The following ZC3H12B variants were observed in gnomAD, a reference collection of about 807,000 sequenced individuals.
The protein encoded by ZC3H12B is zinc finger CCCH-type containing 12B, also known as probable ribonuclease ZC3H12B.
A neutral mutation model predicts 43.9 loss-of-function variants in ZC3H12B; 7 were observed. That is an observed-to-expected ratio of 0.16 (90% confidence interval 0.09 to 0.30). The LOEUF (loss-of-function observed/expected upper bound fraction) is 0.30. Ranked by LOEUF, ZC3H12B falls within the 10% of genes least tolerant of loss-of-function variation. The probability of loss-of-function intolerance (pLI) is 1.00; values close to 1 mark genes in which losing one functional copy is unlikely to be tolerated. For missense variants in ZC3H12B, 475 were observed against 670.2 expected (o/e 0.71, Z 3.22); for synonymous variants, 222 against 241.7 (o/e 0.92, Z 0.76).
At chrX:65,040,498 GAGTCTT>G in the ZC3H12B span, among the ~76,000 whole-genome samples, 1 of 109,998 alleles carries the variant, frequency 9.1e-6, no homozygotes, top group African/African-American at 3.3e-5. Flanking sequence ...TGAGAAAAAT[GAGTCTT>G]AGATTTTATA....
chrX:65,046,664 A>G, the ZC3H12B span, among the ~76,000 whole-genome samples: 1 of 111,848 alleles, frequency 8.9e-6, no homozygotes, highest in East Asian at 2.8e-4. Flanking sequence ...AATTTCCTTT[A>G]AGAACTTTTC....
chrX:65,402,566 G>A (rs746753449), intron 3 of ZC3H12B, among the ~76,000 whole-genome samples: 202 of 112,132 alleles, frequency 1.8e-3, no homozygotes, highest in African/African-American at 6.2e-3. Context: ...AGTCCTAGTG[G>A]TGATGGCCAC....
the ZC3H12B span, among the ~76,000 whole-genome samples, chrX:65,319,280 AG>A: frequency 8.9e-6 from 1 of 112,008 alleles, no homozygotes; most frequent in Admixed American, 9.5e-5. Context: ...AAAAATTATC[AG>A]ATACTACTAT....
chrX:65,331,781 G>A, the ZC3H12B span, among the ~76,000 whole-genome samples: 1 of 110,752 alleles, frequency 9.0e-6, no homozygotes, highest in African/African-American at 3.3e-5. Context: ...AAAACTGAGT[G>A]TTTCTTCCAT....
At chrX:65,366,016 A>G (rs944410354), upstream of ZC3H12B, among the ~76,000 whole-genome samples, 1 of 111,036 alleles carries the variant, frequency 9.0e-6, no homozygotes, top group African/African-American at 3.3e-5. Context: ...CAAAGAATAT[A>G]TATATTTAAG....
chrX:65,222,650 T>TAATAAA, the ZC3H12B span, among the ~76,000 whole-genome samples: 206 of 93,914 alleles, frequency 2.2e-3, 4 homozygotes, highest in East Asian at 9.2e-3. Flanking sequence ...ATAATAATAA[T>TAATAAA]AAAACACTTA....
At chrX:65,077,525 T>A in the ZC3H12B span, among the ~76,000 whole-genome samples, 11 of 111,880 alleles carry the variant, frequency 9.8e-5, no homozygotes, top group East Asian at 3.1e-3. Flanking sequence ...TGAAGCTACT[T>A]ATGTGGGCAG....
At chrX:65,488,118 G>A (rs1021686229), upstream of ZC3H12B, among the ~76,000 whole-genome samples, 10 of 110,675 alleles carry the variant, frequency 9.0e-5, no homozygotes, top group Admixed American at 4.8e-4. Flanking sequence ...TGATCCGCCC[G>A]CCTCGGCCTC....
At chrX:65,377,027 G>A (rs2066355865) in intron 2 of ZC3H12B, among the ~76,000 whole-genome samples, 1 of 110,019 alleles carries the variant, frequency 9.1e-6, no homozygotes, top group Non-Finnish European at 1.9e-5. Flanking sequence ...CACAGAGAAG[G>A]AATTCAAAGT....
the ZC3H12B span, among the ~76,000 whole-genome samples, chrX:65,166,356 C>T: frequency 1.8e-5 from 2 of 111,388 alleles, no homozygotes; most frequent in Non-Finnish European, 3.8e-5. Flanking sequence ...CATCCATGTC[C>T]CTACAAAGGA....
chrX:65,243,166 ACAAT>A, the ZC3H12B span, among the ~76,000 whole-genome samples: 2 of 112,199 alleles, frequency 1.8e-5, no homozygotes, highest in South Asian at 3.7e-4. Flanking sequence ...AGCAATGGAA[ACAAT>A]CAACGAACTG....
At chrX:65,336,008 C>A in the ZC3H12B span, among the ~76,000 whole-genome samples, 1 of 111,825 alleles carries the variant, frequency 8.9e-6, no homozygotes, top group Admixed American at 9.4e-5. Context: ...GCTAGGCCAT[C>A]TTGAACAGCA....
At chrX:65,441,243 C>T (rs760345918) in intron 3 of ZC3H12B, among the ~76,000 whole-genome samples, 2 of 111,727 alleles carry the variant, frequency 1.8e-5, no homozygotes, top group East Asian at 2.8e-4. Context: ...GTCCATCAGG[C>T]CCCTCCCAAT....
chrX:65,326,117 T>C, the ZC3H12B span, among the ~76,000 whole-genome samples: 1 of 111,534 alleles, frequency 9.0e-6, no homozygotes, highest in African/African-American at 3.2e-5. Context: ...CATAGGGGCC[T>C]GAGCAATGTT....
chrX:65,225,209 G>A, the ZC3H12B span, among the ~76,000 whole-genome samples: 3 of 111,977 alleles, frequency 2.7e-5, no homozygotes, highest in Admixed American at 1.9e-4. Flanking sequence ...AGCAGCATTC[G>A]CGGTTCACGA....
chrX:65,147,838 A>G, the ZC3H12B span, among the ~76,000 whole-genome samples: 1 of 109,909 alleles, frequency 9.1e-6, no homozygotes, highest in African/African-American at 3.3e-5. Context: ...GTGGGGGCTT[A>G]TCTGGAGCCT....
chrX:65,488,105 T>G (rs2068151562), upstream of ZC3H12B, among the ~76,000 whole-genome samples: 1 of 110,616 alleles, frequency 9.0e-6, no homozygotes, highest in Non-Finnish European at 1.9e-5. Context: ...TCTCCTGACC[T>G]TGTGATCCGC....
the ZC3H12B span, among the ~76,000 whole-genome samples, chrX:65,246,936 C>G: frequency 8.9e-6 from 1 of 112,450 alleles, no homozygotes; most frequent in Non-Finnish European, 1.9e-5. Flanking sequence ...AGCTTCTGCA[C>G]AGCAAAATAA....
At chrX:65,131,849 G>A in the ZC3H12B span, among the ~76,000 whole-genome samples, 1 of 111,699 alleles carries the variant, frequency 9.0e-6, no homozygotes, top group Non-Finnish European at 1.9e-5. Flanking sequence ...ATCCCTTGGA[G>A]AATAAATGTT....
Sources: allele counts gnomAD v4.1 joint callset (sites outside exome capture counted in the v4.1 genomes callset), GRCh38; gene constraint gnomAD v4.1.1; transcripts MANE v1.5; gene names NCBI Gene and HGNC (gene_info 2026-07-23, HGNC 2026-07-21).